The following GABRA2 variants were observed in gnomAD, a reference collection of about 807,000 sequenced individuals.
GABRA2 encodes gamma-aminobutyric acid receptor subunit alpha-2.
In GABRA2, 16 loss-of-function variants were observed where a neutral mutation model predicts 48.7. The observed-to-expected ratio is 0.33, with a 90% CI of 0.22 to 0.50. GABRA2 has a LOEUF of 0.50. Among genes scored for constraint, GABRA2 ranks in the 20% least tolerant of loss-of-function variants. The probability of loss-of-function intolerance (pLI) is 0.98; values close to 1 mark genes in which losing one functional copy is unlikely to be tolerated. For missense variants in GABRA2, 275 were observed against 535.6 expected (o/e 0.51, Z 4.80); for synonymous variants, 185 against 184.5 (o/e 1.00, Z -0.02).
At chr4:46,343,156 C>T (rs1733580620) in intron 3 of GABRA2, among the ~76,000 whole-genome samples, 1 of 151,950 alleles carries the variant, frequency 6.6e-6, no homozygotes, top group Admixed American at 6.6e-5. Flanking sequence ...TTACCTTGCC[C>T]TGTTTTTCCC....
chr4:46,308,963 T>A (rs1727165429), intron 6 of GABRA2, among the ~76,000 whole-genome samples: 3 of 152,152 alleles, frequency 2.0e-5, no homozygotes, highest in Admixed American at 1.3e-4. Context: ...TAATGCCTCT[T>A]ATGTAATGGA....
At chr4:46,291,122 C>A (rs912795894) in intron 8 of GABRA2, among the ~76,000 whole-genome samples, 1 of 152,070 alleles carries the variant, frequency 6.6e-6, no homozygotes, top group Non-Finnish European at 1.5e-5. Context: ...GTTCTTTAAA[C>A]TTCGATTTTT....
At chr4:46,324,424 T>A (rs1362898989) in intron 4 of GABRA2, among the ~76,000 whole-genome samples, 1 of 151,982 alleles carries the variant, frequency 6.6e-6, no homozygotes, top group Non-Finnish European at 1.5e-5. Context: ...TTATTCTTAA[T>A]CTAGGCATAC....
In GABRA2 at chr4:46,332,679, C is replaced by T. The variant is rs764298742; in HGVS notation, c.191G>A (p.Ser64Asn). The stretch of plus-strand genomic sequence containing the variant: ...GATGTTAGTGAAGACTTCAGTAATA[C>T]TGTCTAATATGAGAAAAGAGATTGA... ...DNRLRPGLGD[S>N]ITEVFTNIYV... Residue 64 changes from serine to asparagine, a missense_variant, in exon 4 of 10, where the codon AGT (serine) becomes AAT (asparagine). Ser to Asn is a conservative substitution (Grantham distance 46, BLOSUM62 1). Transcript: ENST00000381620. 6.4e-7 allele frequency: 1 copy of T among 1,556,166 alleles called. No homozygotes were observed. The highest frequency in any genetic ancestry group is 1.7e-5 in the Admixed American group (1 of 59,716).
At chr4:46,293,445 G>T (rs1724053390) in intron 8 of GABRA2, among the ~76,000 whole-genome samples, 2 of 152,208 alleles carry the variant, frequency 1.3e-5, no homozygotes, top group African/African-American at 4.8e-5. Context: ...CACTGGCTCT[G>T]AGTTGACGTT....
chr4:46,302,914 C>T (rs886676453), intron 8 of GABRA2, among the ~76,000 whole-genome samples: 14 of 152,122 alleles, frequency 9.2e-5, no homozygotes, highest in African/African-American at 3.4e-4. Flanking sequence ...GCCATCTCCT[C>T]CTAAAGACTT....
At chr4:46,387,163 T>C (rs1717576426) in intron 2 of GABRA2, among the ~76,000 whole-genome samples, 1 of 152,154 alleles carries the variant, frequency 6.6e-6, no homozygotes, top group Non-Finnish European at 1.5e-5. Flanking sequence ...ATCATTTATA[T>C]AATAGAATAC....
intron 4 of GABRA2, 69 bp downstream of exon 4, chr4:46,332,546 T>C (rs1318340161): frequency 2.3e-6 from 2 of 863,322 alleles, no homozygotes; most frequent in Non-Finnish European, 2.0e-6. Context: ...CTAAAAATGC[T>C]AGTTTATTTG....
At chr4:46,328,023 C>T (rs929655599) in intron 4 of GABRA2, among the ~76,000 whole-genome samples, 1 of 151,718 alleles carries the variant, frequency 6.6e-6, no homozygotes, top group Non-Finnish European at 1.5e-5. Context: ...GAAAGACATC[C>T]TATATAGAAA....
At chr4:46,381,712 T>C (rs1716779959) in intron 3 of GABRA2, among the ~76,000 whole-genome samples, 1 of 152,124 alleles carries the variant, frequency 6.6e-6, no homozygotes, top group Non-Finnish European at 1.5e-5. Flanking sequence ...GATGAGTAAA[T>C]TAAGTCATAG....
chr4:46,269,079 C>T (rs1718803026), intron 8 of GABRA2, among the ~76,000 whole-genome samples: 1 of 151,714 alleles, frequency 6.6e-6, no homozygotes, highest in Non-Finnish European at 1.5e-5. Flanking sequence ...CAAAGGGTAC[C>T]AAGCCTCAGA....
intron 3 of GABRA2, among the ~76,000 whole-genome samples, chr4:46,357,008 G>A (rs1381473414): frequency 2.7e-5 from 4 of 150,830 alleles, no homozygotes; most frequent in Non-Finnish European, 5.9e-5. Context: ...TTTTGTTTTT[G>A]TTGTTGTTGT....
chr4:46,348,935 AT>A (rs1170174019), intron 3 of GABRA2, among the ~76,000 whole-genome samples: 3 of 89,644 alleles, frequency 3.3e-5, no homozygotes, highest in Admixed American at 9.9e-5. Context: ...TAATAATAAA[AT>A]TTAAAAAAAA....
chr4:46,368,511 A>T (rs972847951), intron 3 of GABRA2: 6 of 154,990 alleles, frequency 3.9e-5, no homozygotes, highest in Non-Finnish European at 5.7e-5. Flanking sequence ...AGAATCAAGA[A>T]CATTTGTTGA....
In GABRA2 at chr4:46,389,876, A is replaced by C. The variant is rs1718025061; in HGVS notation, c.-152T>G. On this transcript the variant is annotated 5_prime_UTR_variant, in exon 1 of 10. Coordinates refer to ENST00000381620, the MANE Select transcript of GABRA2 (RefSeq NM_000807.4). The stretch of plus-strand genomic sequence containing the variant: ...GAGAGAGAGAGACCGAGACTGCAGC[A>C]GCCAAGAGAGCGTGGAGCGATGGGC... 1 of 962,430 alleles carries C rather than the reference A, an allele frequency of 1.0e-6. No individual in the cohort carries two copies. The highest frequency in any genetic ancestry group is 7.5e-5 in the Admixed American group (1 of 13,406). 59.6% of individuals were successfully genotyped at this position (962,430 alleles called of 1,614,324 possible).
intron 8 of GABRA2, among the ~76,000 whole-genome samples, chr4:46,285,776 TA>T (rs906932092): frequency 7.2e-4 from 110 of 152,168 alleles, no homozygotes; most frequent in African/African-American, 2.3e-3. Flanking sequence ...TGTTTTTTTT[TA>T]AGTCATCTGC....
At chr4:46,300,739 T>A (rs148000249) in intron 8 of GABRA2, among the ~76,000 whole-genome samples, 257 of 152,178 alleles carry the variant, frequency 1.7e-3, no homozygotes, top group African/African-American at 5.9e-3. Flanking sequence ...AAATTCTACA[T>A]GTTAGCCTAA....
rs1577798854 is a variant in GABRA2 at position 46,261,803 on chromosome 4, G to T, written c.1059+123C>A. The T allele has an allele frequency of 8.3e-6, 7 of 839,462 alleles. No homozygotes were observed. In the East Asian group the frequency reaches 1.3e-4, roughly 16 times the overall value. The allele number at this position is 839,462 out of a possible 1,614,324, so 52.0% of individuals were successfully genotyped here. ...AGGCAAGAACACTTTAAAAGAAATT[G>T]ATATGATTCAAATTCATATATATAT... is the stretch of plus-strand genomic sequence containing the variant. On this transcript the variant is annotated intron_variant, in intron 9 of 9. Coordinates refer to ENST00000381620, the MANE Select transcript of GABRA2 (RefSeq NM_000807.4).
chr4:46,328,907 A>G (rs781045889), intron 4 of GABRA2, among the ~76,000 whole-genome samples: 3 of 152,100 alleles, frequency 2.0e-5, no homozygotes, highest in Non-Finnish European at 2.9e-5. Flanking sequence ...TTTGATCATC[A>G]TGAAGACCAT....
Sources: gnomAD v4.1 joint callset for allele counts (sites outside exome capture counted in the v4.1 genomes callset) on GRCh38, gnomAD v4.1.1 for gene constraint, MANE v1.5 for transcripts, NCBI Gene and HGNC (gene_info 2026-07-23, HGNC 2026-07-21) for gene names.